The following PLEKHH2 variants were observed in gnomAD, a reference collection of about 807,000 sequenced individuals.
PLEKHH2 encodes pleckstrin homology, MyTH4 and FERM domain containing H2.
PLEKHH2 carries 129 observed loss-of-function variants against 187.9 expected under a neutral mutation model. The observed-to-expected ratio is 0.69, with a 90% CI of 0.59 to 0.79. PLEKHH2 has a LOEUF of 0.79. Ranked by LOEUF, PLEKHH2 falls within the 30% of genes least tolerant of loss-of-function variation. The pLI is 0.00. For missense variants in PLEKHH2, 2,076 were observed against 1,751.2 expected (o/e 1.19, Z -3.31); for synonymous variants, 686 against 605.6 (o/e 1.13, Z -1.95).
intron 2 of PLEKHH2, among the ~76,000 whole-genome samples, chr2:43,656,860 A>C (rs547565080): frequency 2.0e-5 from 3 of 152,304 alleles, no homozygotes; most frequent in Non-Finnish European, 2.9e-5. Flanking sequence ...TCTACTAAAA[A>C]TACAAAAAAT....
At chr2:43,640,315 G>A (rs919818737) in intron 1 of PLEKHH2, among the ~76,000 whole-genome samples, 4 of 151,292 alleles carry the variant, frequency 2.6e-5, no homozygotes, top group African/African-American at 9.7e-5. Flanking sequence ...CAGGGCTCCC[G>A]AGTAGCTGGG....
intron 20 of PLEKHH2, among the ~76,000 whole-genome samples, chr2:43,739,590 G>A (rs1002973777): frequency 1.3e-5 from 2 of 152,208 alleles, no homozygotes; most frequent in African/African-American, 4.8e-5. Flanking sequence ...GAAATCATAT[G>A]ACCATGTAAA....
intron 2 of PLEKHH2, 49 bp from the exon 3 acceptor site, chr2:43,678,814 C>A (rs751511191): frequency 1.5e-5 from 21 of 1,418,380 alleles, no homozygotes; most frequent in Non-Finnish European, 2.0e-5. Flanking sequence ...CAGAAAGGCT[C>A]ATTTTTCAAA....
chr2:43,692,750 T>C, intron 4 of PLEKHH2, 87 bp downstream of exon 4: 2 of 1,395,128 alleles, frequency 1.4e-6, no homozygotes, highest in Admixed American at 2.2e-5. Context: ...CCTAAATTTC[T>C]ATATTTGGGG....
rs1572574046 is a variant in PLEKHH2, at chr2:43,697,280, T to C, written c.612T>C (p.Pro204=). Residue 204 remains proline, a synonymous_variant, in exon 7 of 30, where the codon CCT becomes CCC. Transcript: ENST00000282406. ...GCFLSRARSP[P]QVVKSEEMSK... ...TTTTATCTCGAGCAAGGAGTCCTCC[T>C]CAAGTAGTAAAATCTGAGGAAATGA... The C allele has an allele frequency of 6.2e-7, 1 of 1,613,896 alleles. No homozygotes were observed. The highest frequency in any genetic ancestry group is 1.1e-5 in the South Asian group (1 of 91,068).
At chr2:43,720,789 T>C (rs749379304) in intron 16 of PLEKHH2, 40 bp downstream of exon 16, 4 of 1,581,820 alleles carry the variant, frequency 2.5e-6, no homozygotes, top group Non-Finnish European at 3.4e-6. Context: ...AAGTAACTTT[T>C]TGTGTGTTAG....
chr2:43,700,139 G>C lies in PLEKHH2; in HGVS notation c.1181G>C (p.Arg394Thr), dbSNP rs1669287118. The change falls in exon 8 of 30, where the codon AGA becomes ACA. Residue 394 changes from arginine to threonine, a missense_variant. By Grantham distance (71) the Arg-to-Thr change is moderately conservative. Coordinates refer to ENST00000282406, the MANE Select transcript of PLEKHH2 (RefSeq NM_172069.4). ...CTGAATAAAAAATTTCAATCCCAGA[G>C]ACTCGATTATTCATCTTCATCGAGT... ...DELNKKFQSQ[R>T]LDYSSSSSEA... The C allele has an allele frequency of 1.1e-5, 18 of 1,613,992 alleles. No individual in the cohort carries two copies. Among genetic ancestry groups the C allele is most frequent in the Non-Finnish European group, 1.4e-5 (16 of 1,180,036 alleles).
chr2:43,733,232 A>G (rs748126399), intron 19 of PLEKHH2, among the ~76,000 whole-genome samples: 8 of 152,008 alleles, frequency 5.3e-5, no homozygotes, highest in African/African-American at 1.7e-4. Flanking sequence ...GTGTGATGGC[A>G]TGCGCCTATA....
chr2:43,729,275 A>C (rs1670923883), intron 17 of PLEKHH2, among the ~76,000 whole-genome samples: 1 of 152,206 alleles, frequency 6.6e-6, no homozygotes, highest in Non-Finnish European at 1.5e-5. Flanking sequence ...GATTTCCAAA[A>C]TATTCTGTAT....
At chr2:43,747,092 GTCTCTCTCTCTCTCTCCCTCTCTCTC>G (rs1671812953) in intron 24 of PLEKHH2, among the ~76,000 whole-genome samples, 1 of 130,660 alleles carries the variant, frequency 7.7e-6, no homozygotes, top group Non-Finnish European at 1.7e-5. Flanking sequence ...CTTTCTTTCT[GTCTCTCTCTCTCTCTCCCTCTCTCTC>G]TCTCTCTCTC....
chr2:43,666,137 G>A lies in PLEKHH2; in HGVS notation c.124-12726G>A, dbSNP rs956522398. ...TAGCAATCAGCGAGATTCCGTGGGC[G>A]TAGGACCCTCCAAGCCAGGTGTGGG... On this transcript the variant is annotated intron_variant, in intron 2 of 29. Coordinates refer to ENST00000282406, the MANE Select transcript of PLEKHH2 (RefSeq NM_172069.4). 8.1e-4 allele frequency among the ~76,000 whole-genome samples: 121 copies of A among 149,832 alleles called. 2 individuals are homozygous for A. Among genetic ancestry groups the A allele is most frequent in the Non-Finnish European group, 1.2e-3 (82 of 67,752 alleles).
chr2:43,743,857 C>T lies in PLEKHH2; in HGVS notation c.3423C>T (p.Thr1141=). The stretch of plus-strand genomic sequence containing the variant: ...AGGTAGTTGGTTTTGACGCATCTAC[C>T]ACAGTGGAAGAATTTTTGAATACTT... ...IYQVVGFDAS[T]TVEEFLNTLN... Residue 1141 remains threonine, a synonymous_variant, in exon 23 of 30, where the codon ACC becomes ACT. Coordinates refer to ENST00000282406, the MANE Select transcript of PLEKHH2 (RefSeq NM_172069.4). The T allele has an allele frequency of 6.2e-7, 1 of 1,613,630 alleles. No individual in the cohort carries two copies. Among genetic ancestry groups the T allele is most frequent in the South Asian group, 1.1e-5 (1 of 91,016 alleles).
rs1053529796 is a variant in PLEKHH2 at position 43,639,569 on chromosome 2, G to A, written c.-4+2190G>A. 3.3e-5 allele frequency among the ~76,000 whole-genome samples: 5 copies of A among 151,748 alleles called. No homozygotes were observed. The East Asian group carries it at 9.6e-4, about 29-fold the overall frequency. The stretch of plus-strand genomic sequence containing the variant: ...CTTTCACTTAGCATAATGTTTTCAA[G>A]GCTCTTCCATGACTATAGCGTGTAT... On this transcript the variant is annotated intron_variant, in intron 1 of 29. Coordinates refer to ENST00000282406, the MANE Select transcript of PLEKHH2 (RefSeq NM_172069.4).
In PLEKHH2 at chr2:43,678,879, G is replaced by T. The variant is rs1486649589; in HGVS notation, c.140G>T (p.Arg47Ile). ...ACTCTACAGATGCAACAGCTTGAGA[G>T]ACAAGTTATTGATGCTGAACGTCAA... ...LLAEKMQQLERQVIDAERQAE... is the reference protein window; with the variant it reads ...LLAEKMQQLEIQVIDAERQAE... Residue 47 changes from arginine (R) to isoleucine (I), a missense_variant, in exon 3 of 30, where the codon AGA (arginine) becomes ATA (isoleucine). Physicochemically the swap from Arg to Ile is moderately conservative, Grantham distance 97. Transcript: ENST00000282406. The T allele has an allele frequency of 6.2e-7, 1 of 1,606,284 alleles. No homozygotes were observed. Among genetic ancestry groups the T allele is most frequent in the African/African-American group, 1.3e-5 (1 of 74,820 alleles).
chr2:43,697,206 C>G lies in PLEKHH2; in HGVS notation c.538C>G (p.Leu180Val). 1 of 1,611,908 alleles carries G rather than the reference C, an allele frequency of 6.2e-7. No individual in the cohort carries two copies. Among genetic ancestry groups the G allele is most frequent in the Non-Finnish European group, 8.5e-7 (1 of 1,179,080 alleles). The change falls in exon 7 of 30, where the codon CTA (leucine) becomes GTA (valine). Residue 180 changes from leucine to valine, a missense_variant. Leu to Val is a conservative substitution (Grantham distance 32). Transcript: ENST00000282406. ...AAAGAAGTCATCCACTGTCTCTACA[C>G]TAAAGCTTTCGGAAGGCCAGCGCCT... ...QGKKSSTVST[L>V]KLSEGQRLSS... is the part of the protein sequence containing the mutation.
At chr2:43,639,125 G>A (rs1471622023) in intron 1 of PLEKHH2, among the ~76,000 whole-genome samples, 1 of 152,132 alleles carries the variant, frequency 6.6e-6, no homozygotes, top group Admixed American at 6.5e-5. Flanking sequence ...TCAATTTTTT[G>A]AGCTAATTGT....
intron 1 of PLEKHH2, among the ~76,000 whole-genome samples, chr2:43,639,405 T>A (rs184027640): frequency 1.3e-5 from 2 of 152,262 alleles, no homozygotes; most frequent in African/African-American, 4.8e-5. Context: ...AAACCCCCTA[T>A]CCATTGTAGT....
intron 19 of PLEKHH2, among the ~76,000 whole-genome samples, chr2:43,735,655 T>C (rs1671256453): frequency 6.6e-6 from 1 of 152,214 alleles, no homozygotes; most frequent in Non-Finnish European, 1.5e-5. Flanking sequence ...GATTATTACA[T>C]GTTGCAGGCA....
chr2:43,697,368 C>A lies in PLEKHH2; in HGVS notation c.688+12C>A. On this transcript the variant is annotated intron_variant, in intron 7 of 29. Coordinates refer to ENST00000282406, the MANE Select transcript of PLEKHH2 (RefSeq NM_172069.4). The stretch of plus-strand genomic sequence containing the variant: ...AAAAGACATGGAAGGTATTTATGAA[C>A]TACAGGAATTGACTTTGGCATTTTT... 1.3e-6 allele frequency: 2 copies of A among 1,587,048 alleles called. No homozygotes were observed. The highest frequency in any genetic ancestry group is 1.7e-4 in the Middle Eastern group (1 of 5,946).
Sources: gnomAD v4.1 joint callset for allele counts (sites outside exome capture counted in the v4.1 genomes callset) on GRCh38, gnomAD v4.1.1 for gene constraint, MANE v1.5 for transcripts, NCBI Gene and HGNC (gene_info 2026-07-23, HGNC 2026-07-21) for gene names.